TAS2R1: variants seen among roughly 807,000 people sequenced by gnomAD.
The protein encoded by TAS2R1 is taste 2 receptor member 1, also known as taste receptor type 2 member 1.
For synonymous variants in TAS2R1, 141 were observed against 134.2 expected, an observed-to-expected ratio of 1.05 and a Z score of -0.35; for missense variants, 370 against 353.4, an observed-to-expected ratio of 1.05 and a Z score of -0.38.
At chr5:9,705,806 G>A (rs925243965) in intron 1 of TAS2R1, among the ~76,000 whole-genome samples, 4 of 152,260 alleles carry the variant, frequency 2.6e-5, no homozygotes, top group Admixed American at 6.5e-5. Flanking sequence ...AGGTTGCAGT[G>A]AGCCAAGATC....
chr5:9,882,215 G>A, the TAS2R1 span, among the ~76,000 whole-genome samples: 1 of 152,064 alleles, frequency 6.6e-6, no homozygotes, highest in East Asian at 1.9e-4. Flanking sequence ...CTTCTCAAAA[G>A]AAGACATTTA....
intron 1 of TAS2R1, among the ~76,000 whole-genome samples, chr5:9,696,266 T>C (rs538844919): frequency 1.4e-4 from 21 of 152,190 alleles, no homozygotes; most frequent in African/African-American, 4.1e-4. Context: ...GGTATAAATA[T>C]ATTAAACATG....
the TAS2R1 span, among the ~76,000 whole-genome samples, chr5:9,758,026 T>G: frequency 6.6e-6 from 1 of 152,154 alleles, no homozygotes; most frequent in Admixed American, 6.5e-5. Flanking sequence ...TATATATTAA[T>G]TATGTGAACC....
At chr5:9,799,804 C>T in the TAS2R1 span, among the ~76,000 whole-genome samples, 2 of 152,308 alleles carry the variant, frequency 1.3e-5, no homozygotes, top group South Asian at 2.1e-4. Context: ...CAGCTTCAAA[C>T]GAGCTAACAG....
chr5:9,677,629 T>C (rs1438105487), intron 1 of TAS2R1, among the ~76,000 whole-genome samples: 1 of 152,192 alleles, frequency 6.6e-6, no homozygotes, highest in Non-Finnish European at 1.5e-5. Context: ...ATGTTACTAC[T>C]ACACACCTAT....
At chr5:9,679,593 C>A (rs1740955325) in intron 1 of TAS2R1, among the ~76,000 whole-genome samples, 1 of 152,136 alleles carries the variant, frequency 6.6e-6, no homozygotes, top group Non-Finnish European at 1.5e-5. Flanking sequence ...AATGCTGATA[C>A]TACTTACATG....
chr5:9,718,125 A>ATT, the TAS2R1 span, among the ~76,000 whole-genome samples: 4,464 of 138,736 alleles, frequency 0.032, 109 homozygotes, highest in Non-Finnish European at 0.049. Context: ...ATGCCCAGCA[A>ATT]TTTTTTTTTT....
the TAS2R1 span, among the ~76,000 whole-genome samples, chr5:9,807,738 GAT>G: frequency 6.6e-6 from 1 of 152,092 alleles, no homozygotes; most frequent in East Asian, 1.9e-4. Flanking sequence ...GCATAAGAAT[GAT>G]ACATTGGACT....
chr5:9,799,002 T>A, the TAS2R1 span, among the ~76,000 whole-genome samples: 1 of 152,146 alleles, frequency 6.6e-6, no homozygotes. Context: ...TTTCTAAGCC[T>A]GGCTATAGTG....
the TAS2R1 span, among the ~76,000 whole-genome samples, chr5:9,756,049 A>G: frequency 1.5e-4 from 23 of 152,208 alleles, no homozygotes; most frequent in Admixed American, 1.3e-3. Flanking sequence ...TATTCTACCC[A>G]GCCCCAATTT....
chr5:9,838,835 T>G, the TAS2R1 span, among the ~76,000 whole-genome samples: 1 of 152,154 alleles, frequency 6.6e-6, no homozygotes, highest in Non-Finnish European at 1.5e-5. Context: ...TGATTCACAT[T>G]TGGAACACTG....
chr5:9,713,588 G>A (rs79018426), upstream of TAS2R1, among the ~76,000 whole-genome samples: 1,354 of 152,174 alleles, frequency 8.9e-3, 17 homozygotes, highest in African/African-American at 0.03. Flanking sequence ...CTTCACATGC[G>A]GTGCCTGTTG....
At chr5:9,861,037 G>GGT in the TAS2R1 span, among the ~76,000 whole-genome samples, 1 of 88,612 alleles carries the variant, frequency 1.1e-5, no homozygotes, top group African/African-American at 4.3e-5. Context: ...GGAAGATGAG[G>GGT]TTTTTTTTTT....
the TAS2R1 span, among the ~76,000 whole-genome samples, chr5:9,770,807 G>A: frequency 4.6e-5 from 7 of 151,990 alleles, no homozygotes; most frequent in Non-Finnish European, 8.8e-5. Flanking sequence ...TGGTGGACTC[G>A]TTAGGTTTTC....
At chr5:9,818,875 T>C in the TAS2R1 span, among the ~76,000 whole-genome samples, 1 of 152,024 alleles carries the variant, frequency 6.6e-6, no homozygotes, top group Non-Finnish European at 1.5e-5. Context: ...CCCAACAACA[T>C]AGACTTCAAA....
the TAS2R1 span, among the ~76,000 whole-genome samples, chr5:9,832,338 A>G: frequency 6.6e-6 from 1 of 152,220 alleles, no homozygotes; most frequent in South Asian, 2.1e-4. Context: ...TCATCAAAAC[A>G]TGCTGGTGAT....
intron 2 of TAS2R1, among the ~76,000 whole-genome samples, chr5:9,653,266 C>G (rs1461132087): frequency 6.6e-6 from 1 of 152,224 alleles, no homozygotes; most frequent in East Asian, 1.9e-4. Flanking sequence ...GAATGTCCTT[C>G]CTTTTTATCA....
chr5:9,778,461 G>A, the TAS2R1 span, among the ~76,000 whole-genome samples: 1 of 152,316 alleles, frequency 6.6e-6, no homozygotes, highest in South Asian at 2.1e-4. Context: ...GTCTCCCAAA[G>A]CTTTGAAGCC....
chr5:9,780,025 A>T, the TAS2R1 span, among the ~76,000 whole-genome samples: 1 of 152,246 alleles, frequency 6.6e-6, no homozygotes, highest in South Asian at 2.1e-4. Context: ...TGTGTGCCAC[A>T]TACCCTGTGA....
Sources: gnomAD v4.1 joint callset for allele counts (sites outside exome capture counted in the v4.1 genomes callset) on GRCh38, gnomAD v4.1.1 for gene constraint, MANE v1.5 for transcripts, NCBI Gene and HGNC (gene_info 2026-07-23, HGNC 2026-07-21) for gene names.